Variants in ARHGEF10L observed in about 807,000 individuals in gnomAD.
ARHGEF10L encodes the protein Rho guanine nucleotide exchange factor 10 like, also known as rho guanine nucleotide exchange factor 10-like protein.
Under a neutral mutation model 141.2 loss-of-function variants are expected in ARHGEF10L, and 69 were observed. The observed-to-expected ratio is 0.49, with a 90% CI of 0.40 to 0.60. ARHGEF10L has a LOEUF of 0.60. Ranked by LOEUF, ARHGEF10L falls within the 20% of genes least tolerant of loss-of-function variation. ARHGEF10L has a pLI of 0.00. For missense variants in ARHGEF10L, 1,482 were observed against 1,734.3 expected (o/e 0.85, Z 2.58); for synonymous variants, 711 against 718.5 (o/e 0.99, Z 0.17).
intron 1 of ARHGEF10L, among the ~76,000 whole-genome samples, chr1:17,567,359 C>A (rs142223778): frequency 6.6e-6 from 1 of 152,054 alleles, no homozygotes; most frequent in African/African-American, 2.4e-5. Flanking sequence ...GTTTGCTGTC[C>A]CTAAATTGAG....
At chr1:17,594,119 G>T (rs1212843885) in intron 4 of ARHGEF10L, among the ~76,000 whole-genome samples, 1 of 151,844 alleles carries the variant, frequency 6.6e-6, no homozygotes, top group Non-Finnish European at 1.5e-5. Context: ...CTGTGTGTGT[G>T]TTTGGCTCTA....
intron 26 of ARHGEF10L, among the ~76,000 whole-genome samples, 195 bp from the exon 27 acceptor site, chr1:17,687,378 G>A (rs1229065444): frequency 2.0e-5 from 3 of 152,170 alleles, no homozygotes; most frequent in Admixed American, 6.5e-5. Flanking sequence ...TTAAACTTTG[G>A]CCAACACAGC....
Position 17,555,962 on chromosome 1 carries a change from C to T in ARHGEF10L, c.-44+16012C>T, listed in dbSNP as rs947851302. Among the ~76,000 whole-genome samples the T allele has an allele frequency of 3.9e-5, 6 of 151,920 alleles. No homozygotes were observed. In the South Asian group the frequency reaches 6.2e-4, roughly 16 times the overall value. On this transcript the variant is annotated intron_variant, in intron 1 of 28. Transcript: ENST00000361221. ...GCCCTACAAAGGCTCTTCCCAGGGA[C>T]GCTGGCTCACCTGGGAGCATATTTG...
intron 21 of ARHGEF10L, 54 bp downstream of exon 21, chr1:17,640,356 G>C: frequency 6.7e-7 from 1 of 1,499,372 alleles, no homozygotes; most frequent in Non-Finnish European, 9.1e-7. Flanking sequence ...GGAACGGGGA[G>C]GTTTGGGGTG....
chr1:17,648,077 A>C (rs1404218092), intron 21 of ARHGEF10L, among the ~76,000 whole-genome samples: 1 of 152,112 alleles, frequency 6.6e-6, no homozygotes, highest in African/African-American at 2.4e-5. Flanking sequence ...TGAGTGCCGC[A>C]ATGGCGACCT....
chr1:17,545,626 T>C (rs146201533), intron 1 of ARHGEF10L, among the ~76,000 whole-genome samples: 1 of 152,176 alleles, frequency 6.6e-6, no homozygotes, highest in African/African-American at 2.4e-5. Flanking sequence ...TTAAGTAGCT[T>C]GGGGCTTGTG....
chr1:17,530,473 G>T, the ARHGEF10L span, among the ~76,000 whole-genome samples: 7 of 152,138 alleles, frequency 4.6e-5, no homozygotes, highest in African/African-American at 7.2e-5. Flanking sequence ...CTCTCAGAAG[G>T]TACCCACAAA....
In ARHGEF10L at chr1:17,690,946, C is replaced by T. The variant is rs185283582; in HGVS notation, c.3184+3199C>T. Among the ~76,000 whole-genome samples, 5 of 152,308 alleles carry T rather than the reference C, an allele frequency of 3.3e-5. No homozygotes were observed. In the East Asian group the frequency reaches 9.6e-4, roughly 29 times the overall value. ...GTATTTTTTTCTTCCCCCACACCAG[C>T]AAATGAAATAATTGCATAATTAGTA... On this transcript the variant is annotated intron_variant, in intron 27 of 28. Transcript: ENST00000361221.
chr1:17,647,038 G>A (rs1015777803), intron 21 of ARHGEF10L, among the ~76,000 whole-genome samples: 1 of 152,028 alleles, frequency 6.6e-6, no homozygotes, highest in African/African-American at 2.4e-5. Context: ...AGTGTGGCTG[G>A]CGGGAACTCT....
At position 17,692,455 on chromosome 1, in the gene ARHGEF10L, T is replaced by C. The variant is rs568001048; in HGVS notation, c.3185-2703T>C. Reference sequence around the variant, plus strand: ...CCGGCTCCTTTGCCATCCCAGGCCATGGCACTGCTATGCACCCAGCTGCTC... The same window carrying C: ...CCGGCTCCTTTGCCATCCCAGGCCACGGCACTGCTATGCACCCAGCTGCTC... On this transcript the variant is annotated intron_variant, in intron 27 of 28. Transcript: ENST00000361221. 7.9e-5 allele frequency among the ~76,000 whole-genome samples: 12 copies of C among 152,298 alleles called. No homozygotes were observed. In the East Asian group the frequency reaches 1.2e-3, roughly 15 times the overall value.
rs1183782639 is a variant in ARHGEF10L at position 17,627,202 on chromosome 1, T to A, written c.1411-128T>A. 16 of 1,089,944 alleles carry A rather than the reference T, an allele frequency of 1.5e-5. No individual in the cohort carries two copies. Among genetic ancestry groups the A allele is most frequent in the Non-Finnish European group, 2.1e-5 (16 of 748,086 alleles). 67.5% of individuals were successfully genotyped at this position (1,089,944 alleles called of 1,614,324 possible). A position where few individuals can be genotyped will look rare whatever the true frequency, so the allele number is the denominator to read the frequency against. ...CTTGTTCTGCATCTGGTGCCATCTG[T>A]CCTGGCCTCAGGCCGGGCCCTTTGC... On this transcript the variant is annotated intron_variant, in intron 14 of 28. Transcript: ENST00000361221. The surrounding 1 kb of genome is among the most constrained non-coding windows in gnomAD (Gnocchi z 4.0).
intron 3 of ARHGEF10L, 123 bp from the exon 4 acceptor site, chr1:17,588,323 A>G: frequency 9.6e-7 from 1 of 1,045,614 alleles, no homozygotes; most frequent in Non-Finnish European, 1.4e-6. Flanking sequence ...CTCAGCAGGC[A>G]CCCAGACTGG....
chr1:17,668,034 T>G (rs2063092639), intron 26 of ARHGEF10L, among the ~76,000 whole-genome samples: 1 of 152,166 alleles, frequency 6.6e-6, no homozygotes, highest in African/African-American at 2.4e-5. Flanking sequence ...CCTCAGTTAC[T>G]TCATCTGTAA....
At chr1:17,540,493 C>G (rs888421780) in intron 1 of ARHGEF10L, among the ~76,000 whole-genome samples, 1 of 152,090 alleles carries the variant, frequency 6.6e-6, no homozygotes, top group Non-Finnish European at 1.5e-5. Flanking sequence ...GCTGCGGAGC[C>G]GCCAGTCCCG....
chr1:17,611,977 G>GTCCATCCA (rs60216346), intron 7 of ARHGEF10L, among the ~76,000 whole-genome samples: 1,557 of 150,124 alleles, frequency 0.01, 34 homozygotes, highest in African/African-American at 0.034. Context: ...CCATCGGTTT[G>GTCCATCCA]TCCATCCATC....
chr1:17,621,847 CT>C lies in ARHGEF10L; in HGVS notation c.943-12del, dbSNP rs1482190231. 1 of 1,613,224 alleles carries C rather than the reference CT, an allele frequency of 6.2e-7. No homozygotes were observed. The highest frequency in any genetic ancestry group is 8.5e-7 in the Non-Finnish European group (1 of 1,179,548). ...GCAGGTGTCATGTGCGCTGACCGTG[CT>C]TTTTGGCCCGAGCAGGTGGTCCGGA... On this transcript the variant is annotated splice_polypyrimidine_tract_variant and intron_variant, in intron 10 of 28. Coordinates refer to ENST00000361221, the MANE Select transcript of ARHGEF10L (RefSeq NM_018125.4). The surrounding 1 kb of genome is among the most constrained non-coding windows in gnomAD (Gnocchi z 4.1).
At chr1:17,588,347 G>T in intron 3 of ARHGEF10L, 99 bp from the exon 4 acceptor site, 1 of 1,372,142 alleles carries the variant, frequency 7.3e-7, no homozygotes, top group East Asian at 2.3e-5. Context: ...GGCCCTGTCT[G>T]CGGCGCCCCT....
At chr1:17,536,711 A>ACTC, upstream of ARHGEF10L, among the ~76,000 whole-genome samples, 1 of 152,186 alleles carries the variant, frequency 6.6e-6, no homozygotes, top group Non-Finnish European at 1.5e-5. Flanking sequence ...GCCTTAAATC[A>ACTC]GAGGAGTGAC....
chr1:17,521,423 C>T, the ARHGEF10L span, among the ~76,000 whole-genome samples: 3 of 152,148 alleles, frequency 2.0e-5, no homozygotes, highest in East Asian at 1.9e-4. Context: ...CTCAAACTCC[C>T]GACCTCAGTT....
Sources: allele counts gnomAD v4.1 joint callset (sites outside exome capture counted in the v4.1 genomes callset), GRCh38; gene constraint gnomAD v4.1.1; non-coding constraint Gnocchi (gnomAD v3.1); transcripts MANE v1.5; gene names NCBI Gene and HGNC (gene_info 2026-07-23, HGNC 2026-07-21).